The following RBFOX1 variants were observed in gnomAD, a reference collection of about 807,000 sequenced individuals.
RBFOX1 encodes the protein RNA binding protein fox-1 homolog 1.
In RBFOX1, 8 loss-of-function variants were observed where a neutral mutation model predicts 57.7. That is an observed-to-expected ratio of 0.14 (90% CI 0.08 to 0.25). The LOEUF is 0.25. Ranked by LOEUF, RBFOX1 falls within the 10% of genes least tolerant of loss-of-function variation. The pLI is 1.00. For synonymous variants in RBFOX1, 326 were observed against 222.4 expected (o/e 1.47, Z -4.15); for missense variants, 611 against 548.5 (o/e 1.11, Z -1.14).
At chr16:7,455,479 G>C (rs1316521416) in intron 4 of RBFOX1, among the ~76,000 whole-genome samples, 1 of 152,066 alleles carries the variant, frequency 6.6e-6, no homozygotes, top group South Asian at 2.1e-4. Flanking sequence ...GACATTTTGT[G>C]GGGATAATAT....
At chr16:6,299,127 G>C (rs1311308996) in intron 1 of RBFOX1, among the ~76,000 whole-genome samples, 3 of 152,182 alleles carry the variant, frequency 2.0e-5, no homozygotes, top group African/African-American at 7.2e-5. Flanking sequence ...GCAGCAGCTG[G>C]TGGTAACATT....
rs557188243 is a variant in RBFOX1 at position 6,347,694 on chromosome 16, T to G, written c.-64+30637T>G. 5.9e-5 allele frequency among the ~76,000 whole-genome samples: 9 copies of G among 152,320 alleles called. No individual in the cohort carries two copies. In the South Asian group the frequency reaches 1.5e-3, roughly 25 times the overall value. ...ATATCAACAATTATTATATCCTATG[T>G]TCACAGAGAACTTGACACAAATAAT... On this transcript the variant is annotated intron_variant, in intron 2 of 15. Transcript: ENST00000550418.
At position 7,484,526 on chromosome 16, in the gene RBFOX1, G is replaced by A. The variant is rs181028122; in HGVS notation, c.28-33621G>A. ...CACCCAGGCTGTAGTGCACTGGCAC[G>A]ATCTCAGCTCACTGCAACTTTTGCC... On this transcript the variant is annotated intron_variant, in intron 4 of 15. Transcript: ENST00000550418. 9.9e-5 allele frequency among the ~76,000 whole-genome samples: 15 copies of A among 152,238 alleles called. No individual in the cohort carries two copies. In the East Asian group the frequency reaches 2.5e-3, roughly 26 times the overall value.
intron 4 of RBFOX1, among the ~76,000 whole-genome samples, chr16:7,265,111 A>C (rs898207291): frequency 6.6e-6 from 1 of 152,258 alleles, no homozygotes; most frequent in Non-Finnish European, 1.5e-5. Context: ...TTGAATTACT[A>C]ATAAAGACTA....
intron 3 of RBFOX1, among the ~76,000 whole-genome samples, chr16:6,655,965 T>A (rs1185597901): frequency 6.6e-6 from 1 of 152,152 alleles, no homozygotes; most frequent in African/African-American, 2.4e-5. Context: ...CTCCTCACAT[T>A]GGGAAGAATA....
At chr16:5,413,489 C>T (rs1306886412) in intron 1 of RBFOX1, among the ~76,000 whole-genome samples, 1 of 152,212 alleles carries the variant, frequency 6.6e-6, no homozygotes, top group Non-Finnish European at 1.5e-5. Context: ...ACAGTAGCCA[C>T]CACTCCCGTG....
intron 1 of RBFOX1, among the ~76,000 whole-genome samples, chr16:6,108,110 T>A (rs966973183): frequency 2.0e-5 from 3 of 152,204 alleles, no homozygotes; most frequent in African/African-American, 7.2e-5. Flanking sequence ...CCAACATACA[T>A]GTATTACTTC....
At chr16:5,355,558 A>G (rs563262894) in intron 1 of RBFOX1, among the ~76,000 whole-genome samples, 1 of 152,232 alleles carries the variant, frequency 6.6e-6, no homozygotes, top group South Asian at 2.1e-4. Flanking sequence ...GGTTAATGAG[A>G]TTTTATTTAT....
At chr16:7,011,346 A>C (rs114366412) in intron 3 of RBFOX1, among the ~76,000 whole-genome samples, 3,391 of 152,296 alleles carry the variant, frequency 0.022, 133 homozygotes, top group African/African-American at 0.077. Flanking sequence ...AAGCTTAAGC[A>C]ATTTGCCAAG....
intron 2 of RBFOX1, among the ~76,000 whole-genome samples, chr16:6,507,808 A>G (rs1218478211): frequency 6.6e-6 from 1 of 152,096 alleles, no homozygotes; most frequent in African/African-American, 2.4e-5. Context: ...GTGGTTAGCC[A>G]GGGCTAGAAG....
intron 2 of RBFOX1, among the ~76,000 whole-genome samples, chr16:6,518,821 ATCTATCTATCTATCTATCTATCTATCTG>A (rs967877030): frequency 4.3e-5 from 5 of 115,994 alleles, no homozygotes; most frequent in African/African-American, 1.4e-4. Context: ...CTATCTATCT[ATCTATCTATCTATCTATCTATCTATCTG>A]TCTTCCTGCA....
chr16:7,494,247 C>G (rs1360351007), intron 4 of RBFOX1, among the ~76,000 whole-genome samples: 1 of 152,182 alleles, frequency 6.6e-6, no homozygotes, highest in Non-Finnish European at 1.5e-5. Flanking sequence ...GAAGCACAGG[C>G]AAGCATCCCA....
At chr16:6,276,844 C>A (rs1307799151) in intron 1 of RBFOX1, among the ~76,000 whole-genome samples, 1 of 150,916 alleles carries the variant, frequency 6.6e-6, no homozygotes, top group African/African-American at 2.4e-5. Flanking sequence ...AACTATGCTC[C>A]TTCCAGGAAT....
chr16:6,077,684 T>TTTTTTTTATTTATTTATTTA (rs1555499152), intron 1 of RBFOX1, among the ~76,000 whole-genome samples: 42 of 142,742 alleles, frequency 2.9e-4, no homozygotes, highest in South Asian at 2.6e-3. Flanking sequence ...CTTCTTTTAT[T>TTTTTTTTATTTATTTATTTA]TTTACTTATT....
rs188313945 is a variant in RBFOX1 at position 7,190,898 on chromosome 16, C to T, written c.27+138800C>T. ...AGAGGATGTTAACTGTTTAGAGAAT[C>T]ATGAAGGAAGCATATTTTACAAAGA... is the stretch of plus-strand genomic sequence containing the variant. On this transcript the variant is annotated intron_variant, in intron 4 of 15. Coordinates refer to ENST00000550418, the MANE Select transcript of RBFOX1 (RefSeq NM_018723.4). 2.0e-5 allele frequency among the ~76,000 whole-genome samples: 3 copies of T among 152,184 alleles called. No homozygotes were observed. The East Asian group carries it at 5.8e-4, about 29-fold the overall frequency.
intron 2 of RBFOX1, among the ~76,000 whole-genome samples, chr16:5,512,650 A>G (rs1335762796): frequency 6.6e-6 from 1 of 152,174 alleles, no homozygotes; most frequent in Non-Finnish European, 1.5e-5. Flanking sequence ...AGGTTCATAA[A>G]AAGTTACAAA....
intron 2 of RBFOX1, among the ~76,000 whole-genome samples, chr16:6,518,335 A>G (rs2096421820): frequency 6.6e-6 from 1 of 152,174 alleles, no homozygotes; most frequent in South Asian, 2.1e-4. Flanking sequence ...ATCCAGGGAA[A>G]GGACAAACTG....
chr16:5,554,542 C>A (rs2045595623), intron 2 of RBFOX1, among the ~76,000 whole-genome samples: 1 of 152,044 alleles, frequency 6.6e-6, no homozygotes, highest in South Asian at 2.1e-4. Flanking sequence ...ATTTTAGCAA[C>A]TTCAATCAGA....
intron 4 of RBFOX1, among the ~76,000 whole-genome samples, chr16:7,083,742 T>TG (rs750678410): frequency 1.3e-5 from 2 of 152,060 alleles, no homozygotes; most frequent in Non-Finnish European, 2.9e-5. Context: ...GGCAAGAGCC[T>TG]GGGAGAAGGT....
Sources: gnomAD v4.1 joint callset for allele counts (sites outside exome capture counted in the v4.1 genomes callset) on GRCh38, gnomAD v4.1.1 for gene constraint, MANE v1.5 for transcripts, NCBI Gene and HGNC (gene_info 2026-07-23, HGNC 2026-07-21) for gene names.